The following FSTL4 variants were observed in gnomAD, a reference collection of about 807,000 sequenced individuals.
FSTL4 encodes the protein follistatin like 4, also known as follistatin-related protein 4.
FSTL4 carries 28 observed loss-of-function variants against 78.2 expected under a neutral mutation model. That is an observed-to-expected ratio of 0.36 (90% CI 0.27 to 0.49). FSTL4 has a LOEUF of 0.49. Ranked by LOEUF, FSTL4 falls within the 20% of genes least tolerant of loss-of-function variation. The pLI is 0.98. For missense variants in FSTL4, 922 were observed against 1,084.9 expected (o/e 0.85, Z 2.11); for synonymous variants, 422 against 440.5 (o/e 0.96, Z 0.53).
At chr5:133,214,290 C>T (rs972569716) in intron 13 of FSTL4, among the ~76,000 whole-genome samples, 1 of 152,172 alleles carries the variant, frequency 6.6e-6, no homozygotes, top group Non-Finnish European at 1.5e-5. Flanking sequence ...AAACAAGCTT[C>T]AATAAATCTC....
chr5:133,523,825 T>C (rs1287232916), intron 3 of FSTL4, among the ~76,000 whole-genome samples: 2 of 152,234 alleles, frequency 1.3e-5, no homozygotes, highest in Non-Finnish European at 2.9e-5. Context: ...TTGAAACACA[T>C]TTTAAAATAC....
intron 3 of FSTL4, among the ~76,000 whole-genome samples, chr5:133,499,119 G>A (rs1042194303): frequency 1.3e-5 from 2 of 151,878 alleles, no homozygotes; most frequent in Admixed American, 6.6e-5. Context: ...TGCCCAGTTC[G>A]ACCACACAGT....
chr5:133,537,432 G>A (rs1759371062), intron 3 of FSTL4, among the ~76,000 whole-genome samples: 1 of 152,020 alleles, frequency 6.6e-6, no homozygotes, highest in South Asian at 2.1e-4. Flanking sequence ...ATTACATTTT[G>A]CATGTTGATT....
intron 7 of FSTL4, 49 bp downstream of exon 7, chr5:133,249,361 T>C (rs1752139395): frequency 1.4e-6 from 2 of 1,466,934 alleles, no homozygotes; most frequent in African/African-American, 1.4e-5. Context: ...CCCAGTGTAC[T>C]CTCCCAGGGA....
chr5:133,672,235 G>A, the FSTL4 span, among the ~76,000 whole-genome samples: 1 of 152,194 alleles, frequency 6.6e-6, no homozygotes, highest in Admixed American at 6.5e-5. Flanking sequence ...ATTATGAAAT[G>A]TATTATTTGC....
At chr5:133,421,583 G>GT (rs1756697220) in intron 3 of FSTL4, among the ~76,000 whole-genome samples, 1 of 152,228 alleles carries the variant, frequency 6.6e-6, no homozygotes, top group East Asian at 1.9e-4. Flanking sequence ...CTAACGGTGG[G>GT]TAACACTAGC....
At chr5:133,403,108 C>A (rs1756275704) in intron 3 of FSTL4, among the ~76,000 whole-genome samples, 2 of 152,238 alleles carry the variant, frequency 1.3e-5, no homozygotes, top group African/African-American at 4.8e-5. Flanking sequence ...CTAGAAGAAA[C>A]TAACAGCTCT....
the FSTL4 span, among the ~76,000 whole-genome samples, chr5:133,658,840 C>T: frequency 6.6e-6 from 1 of 152,108 alleles, no homozygotes; most frequent in Non-Finnish European, 1.5e-5. Context: ...GGTGAATTTT[C>T]ATTCACCTCT....
chr5:133,288,783 C>G (rs1220928476), intron 6 of FSTL4, among the ~76,000 whole-genome samples: 4 of 152,176 alleles, frequency 2.6e-5, no homozygotes, highest in Non-Finnish European at 5.9e-5. Context: ...CAGCCCCTGT[C>G]AGGACAGCTG....
At chr5:133,494,732 A>G (rs1479262338) in intron 3 of FSTL4, among the ~76,000 whole-genome samples, 1 of 152,234 alleles carries the variant, frequency 6.6e-6, no homozygotes, top group Non-Finnish European at 1.5e-5. Flanking sequence ...GTTTATGTGC[A>G]CATTTATTTC....
In FSTL4 at chr5:133,600,389, G is replaced by A. The variant is rs533841691; in HGVS notation, c.126+3469C>T. On this transcript the variant is annotated intron_variant, in intron 2 of 15. Coordinates refer to ENST00000265342, the MANE Select transcript of FSTL4 (RefSeq NM_015082.2). ...AGTGGGTTTATTTGGATGTAATCCC[G>A]TCATAAGTCAAAATGCATCTGTGTA... is the stretch of plus-strand genomic sequence containing the variant. 4.7e-5 allele frequency among the ~76,000 whole-genome samples: 7 copies of A among 149,324 alleles called. No homozygotes were observed. In the South Asian group the frequency reaches 6.4e-4, roughly 14 times the overall value.
At chr5:133,520,658 A>T (rs903836945) in intron 3 of FSTL4, among the ~76,000 whole-genome samples, 3 of 152,310 alleles carry the variant, frequency 2.0e-5, no homozygotes, top group African/African-American at 7.2e-5. Context: ...AAGAGTGTTC[A>T]CAGAAGGGGT....
chr5:133,685,721 G>A, the FSTL4 span, among the ~76,000 whole-genome samples: 3 of 152,240 alleles, frequency 2.0e-5, no homozygotes, highest in Admixed American at 2.0e-4. Flanking sequence ...CCAGGCATGA[G>A]CCAGAGGGTA....
At chr5:133,327,525 G>C (rs1479304679) in intron 4 of FSTL4, among the ~76,000 whole-genome samples, 3 of 152,218 alleles carry the variant, frequency 2.0e-5, no homozygotes, top group Non-Finnish European at 4.4e-5. Context: ...AAATCAGAAA[G>C]AGAAACTGGG....
At chr5:133,634,125 C>T in the FSTL4 span, among the ~76,000 whole-genome samples, 1 of 152,146 alleles carries the variant, frequency 6.6e-6, no homozygotes, top group Non-Finnish European at 1.5e-5. Context: ...TGCCTTCTTC[C>T]TGCTGGTGGG....
chr5:133,762,242 A>G, the FSTL4 span, among the ~76,000 whole-genome samples: 5 of 152,186 alleles, frequency 3.3e-5, no homozygotes, highest in Non-Finnish European at 7.4e-5. Flanking sequence ...GCCAGCCTCT[A>G]GACCTGAGCA....
rs202011819 is a variant in FSTL4, at chr5:133,201,920, G to A, written c.1826+13C>T. On this transcript the variant is annotated intron_variant, in intron 15 of 15. Coordinates refer to ENST00000265342, the MANE Select transcript of FSTL4 (RefSeq NM_015082.2). Reference sequence around the variant, plus strand: ...GCGGGGAGTGCCTTAGAGGCATCATGGGCCAGTCTCACCTGATGTGGTTGA... The same window carrying A: ...GCGGGGAGTGCCTTAGAGGCATCATAGGCCAGTCTCACCTGATGTGGTTGA... 2.0e-6 allele frequency: 3 copies of A among 1,507,064 alleles called. No individual in the cohort carries two copies. In the South Asian group the frequency reaches 3.6e-5, roughly 18 times the overall value. The allele number at this position is 1,507,064 out of a possible 1,614,324, so 93.4% of individuals were successfully genotyped here. A position where few individuals can be genotyped will look rare whatever the true frequency, so the allele number is the denominator to read the frequency against.
chr5:133,705,844 C>T, the FSTL4 span, among the ~76,000 whole-genome samples: 1 of 137,532 alleles, frequency 7.3e-6, no homozygotes, highest in African/African-American at 3.1e-5. Context: ...CTGCAACACA[C>T]ACACACACGC....
intron 3 of FSTL4, among the ~76,000 whole-genome samples, chr5:133,556,192 C>A (rs548732329): frequency 6.6e-6 from 1 of 152,302 alleles, no homozygotes; most frequent in African/African-American, 2.4e-5. Flanking sequence ...TCCTGAATGA[C>A]CTCAGTGAAG....
Sources: allele counts gnomAD v4.1 joint callset (sites outside exome capture counted in the v4.1 genomes callset), GRCh38; gene constraint gnomAD v4.1.1; transcripts MANE v1.5; gene names NCBI Gene and HGNC (gene_info 2026-07-23, HGNC 2026-07-21).